CLK3: variants seen among roughly 807,000 people sequenced by gnomAD.
CLK3 encodes the protein CDC like kinase 3.
In CLK3, 24 loss-of-function variants were observed where a neutral mutation model predicts 65.2. That is an observed-to-expected ratio of 0.37 (90% CI 0.27 to 0.52). The LOEUF (loss-of-function observed/expected upper bound fraction) is 0.52, where lower values mean the gene tolerates loss of function less well. CLK3 is among the 20% of genes least tolerant of loss of function. The pLI is 0.92. For missense variants in CLK3, 506 were observed against 660.0 expected (o/e 0.77, Z 2.56); for synonymous variants, 252 against 240.8 (o/e 1.05, Z -0.43).
At chr15:74,616,062 G>T (rs1006547751) in intron 1 of CLK3, 164 bp downstream of exon 1, 4 of 518,490 alleles carry the variant, frequency 7.7e-6, no homozygotes, top group Non-Finnish European at 3.0e-6. Context: ...CGCTGCTTCT[G>T]CCCCGGAGGG....
upstream of CLK3, among the ~76,000 whole-genome samples, chr15:74,611,010 G>A (rs2061982911): frequency 6.6e-6 from 1 of 152,184 alleles, no homozygotes; most frequent in Non-Finnish European, 1.5e-5. Flanking sequence ...GGGAGATTGG[G>A]CTTCTAAGGA....
rs542735246 is a variant in CLK3, at chr15:74,609,104, C to G, written c.-1+678C>G. Among the ~76,000 whole-genome samples, 322 of 152,322 alleles carry G rather than the reference C, an allele frequency of 2.1e-3. 1 individual carries two copies. The highest frequency in any genetic ancestry group is 7.4e-3 in the African/African-American group (309 of 41,564). On this transcript the variant is annotated intron_variant, in intron 1 of 12. Transcript: ENST00000345005. The stretch of plus-strand genomic sequence containing the variant: ...GCCCCTAGTTGCTGGTGGCTCTGGC[C>G]CAGCTCTTCTGAGTCTCTTGTTCAC...
intron 11 of CLK3, 108 bp from the exon 12 acceptor site, chr15:74,628,834 C>T: frequency 9.9e-7 from 1 of 1,012,282 alleles, no homozygotes; most frequent in Non-Finnish European, 1.5e-6. Flanking sequence ...CCCTGCAGAC[C>T]TGTTGCCCTG....
Position 74,628,635 on chromosome 15 carries a change from TG to T in CLK3, c.1159del (p.Glu387ArgfsTer4). On this transcript the variant is annotated frameshift_variant, in exon 11 of 13. Transcript: ENST00000395066. LOFTEE classifies it high-confidence loss of function. ...THENREHLVM[M>X]EKILGPIPSH... ...GAAAACCGAGAGCACCTGGTGATGA[TG>T]GAGAAGATCCTAGGGCCCATCCCAT... 6.2e-7 allele frequency: 1 copy of T among 1,613,750 alleles called. No homozygotes were observed. Among genetic ancestry groups the T allele is most frequent in the Non-Finnish European group, 8.5e-7 (1 of 1,179,788 alleles).
At chr15:74,628,544 T>A (rs565710435) in intron 10 of CLK3, 60 bp from the exon 11 acceptor site, 3 of 1,270,656 alleles carry the variant, frequency 2.4e-6, no homozygotes, top group Admixed American at 4.3e-5. Context: ...TGTTCCTTTT[T>A]CTCCTTGAAG....
chr15:74,615,800 G>T (rs1411626499), upstream of CLK3: 20 of 1,243,264 alleles, frequency 1.6e-5, no homozygotes, highest in Non-Finnish European at 2.0e-5. Context: ...TGCGTCACGC[G>T]AGGGGGCGGG....
At chr15:74,615,504 C>T (rs923835570), upstream of CLK3, 7 of 1,307,974 alleles carry the variant, frequency 5.4e-6, no homozygotes, top group Non-Finnish European at 6.8e-6. Context: ...CACGCGGGGT[C>T]GGGGCGACGG....
intron 1 of CLK3, among the ~76,000 whole-genome samples, chr15:74,616,539 C>G (rs2062061549): frequency 6.6e-6 from 1 of 152,238 alleles, no homozygotes; most frequent in Non-Finnish European, 1.5e-5. Context: ...GAGTCTCTAG[C>G]TTTAGTTCCG....
chr15:74,629,161 C>T (rs762786882), intron 12 of CLK3, 129 bp downstream of exon 12: 27 of 769,044 alleles, frequency 3.5e-5, no homozygotes, highest in African/African-American at 2.0e-4. Flanking sequence ...GGAGGCGGCA[C>T]CCAAGACTGC....
chr15:74,622,107 G>A lies in CLK3; in HGVS notation c.370-13G>A. 1 of 1,613,640 alleles carries A rather than the reference G, an allele frequency of 6.2e-7. No individual in the cohort carries two copies. The highest frequency in any genetic ancestry group is 8.5e-7 in the Non-Finnish European group (1 of 1,179,562). ...GATTGGTCGGATGGCGTTTCGGGGGGCGGTGCATGCAGAGAAGCCAACAGA... is the reference window on the plus strand; with the variant it reads ...GATTGGTCGGATGGCGTTTCGGGGGACGGTGCATGCAGAGAAGCCAACAGA... On this transcript the variant is annotated splice_polypyrimidine_tract_variant and intron_variant, in intron 3 of 12. Transcript: ENST00000395066. The surrounding 1 kb of genome is among the most constrained non-coding windows in gnomAD (Gnocchi z 4.6).
upstream of CLK3, among the ~76,000 whole-genome samples, chr15:74,613,664 T>C (rs1328154984): frequency 1.3e-5 from 2 of 152,104 alleles, no homozygotes; most frequent in Non-Finnish European, 2.9e-5. Context: ...TCAGAGCCTA[T>C]AGCTCAGGGC....
chr15:74,613,397 A>G (rs1441281106), upstream of CLK3: 1 of 152,312 alleles, frequency 6.6e-6, no homozygotes, highest in East Asian at 1.9e-4. Context: ...ATGGGAGTGG[A>G]GGAGTTACCC....
intron 7 of CLK3, 106 bp downstream of exon 7, chr15:74,626,074 C>T (rs949011164): frequency 8.5e-6 from 11 of 1,301,380 alleles, no homozygotes; most frequent in African/African-American, 1.5e-5. Context: ...AACCATTCTC[C>T]TGGGCCTGAG....
Position 74,627,845 on chromosome 15 carries a change from T to C in CLK3, c.1043-125T>C. 8.4e-7 allele frequency: 1 copy of C among 1,184,978 alleles called. No individual in the cohort carries two copies. The highest frequency in any genetic ancestry group is 1.2e-6 in the Non-Finnish European group (1 of 806,392). The allele number at this position is 1,184,978 out of a possible 1,614,324, so 73.4% of individuals were successfully genotyped here. On this transcript the variant is annotated intron_variant, in intron 9 of 12. Coordinates refer to ENST00000395066, the MANE Select transcript of CLK3 (RefSeq NM_001130028.2). The surrounding 1 kb of genome is among the most constrained non-coding windows in gnomAD (Gnocchi z 4.3). ...ACCTGGCTTTATCTGTCAGCCTTAC[T>C]GAGAGAGGGCCTCGTACTGGGATTT...
rs367619618 is a variant in CLK3, at chr15:74,628,088, A to G, written c.1125+36A>G. 76 of 1,428,486 alleles carry G rather than the reference A, an allele frequency of 5.3e-5. No individual in the cohort carries two copies. The South Asian group carries it at 8.7e-4, about 16-fold the overall frequency. 88.5% of individuals were successfully genotyped at this position (1,428,486 alleles called of 1,614,324 possible). A position where few individuals can be genotyped will look rare whatever the true frequency, so the allele number is the denominator to read the frequency against. ...CCTGCATTGGTCCCCTACCCTGAGT[A>G]CTGCTACTGTGATAGGCTGCAGGCC... On this transcript the variant is annotated intron_variant, in intron 10 of 12. Transcript: ENST00000395066.
chr15:74,628,637 G>A lies in CLK3; in HGVS notation c.1159G>A (p.Glu387Lys). The A allele has an allele frequency of 6.2e-7, 1 of 1,613,764 alleles. No individual in the cohort carries two copies. Among genetic ancestry groups the A allele is most frequent in the Non-Finnish European group, 8.5e-7 (1 of 1,179,812 alleles). Residue 387 changes from glutamate (E) to lysine (K), a missense_variant, in exon 11 of 13, where the codon GAG becomes AAG. Coordinates refer to ENST00000395066, the MANE Select transcript of CLK3 (RefSeq NM_001130028.2). ...HENREHLVMM[E>K]KILGPIPSHM... The stretch of plus-strand genomic sequence containing the variant: ...AAACCGAGAGCACCTGGTGATGATG[G>A]AGAAGATCCTAGGGCCCATCCCATC...
At position 74,624,613 on chromosome 15, in the gene CLK3, TG is replaced by T. The variant is rs1813178100; in HGVS notation, c.534-287del. On this transcript the variant is annotated intron_variant, in intron 5 of 12. Coordinates refer to ENST00000395066, the MANE Select transcript of CLK3 (RefSeq NM_001130028.2). This position sits in a 1 kb window ranked among gnomAD's most constrained non-coding sequence, Gnocchi z 4.2. ...TGGACTGGCACTGGTTAAGCAGGAT[TG>T]GCCTCTACTCTCCCACACTCCTTTG... 1 of 469,506 alleles carries T rather than the reference TG, an allele frequency of 2.1e-6. No individual in the cohort carries two copies. Among genetic ancestry groups the T allele is most frequent in the Admixed American group, 3.3e-5 (1 of 29,988 alleles). 29.1% of individuals were successfully genotyped at this position (469,506 alleles called of 1,614,324 possible). A position where few individuals can be genotyped will look rare whatever the true frequency, so the allele number is the denominator to read the frequency against.
chr15:74,627,154 G>C lies in CLK3; in HGVS notation c.818-198G>C, dbSNP rs1405048988. On this transcript the variant is annotated intron_variant, in intron 7 of 12. Transcript: ENST00000395066. This position sits in a 1 kb window ranked among gnomAD's most constrained non-coding sequence, Gnocchi z 4.3. The stretch of plus-strand genomic sequence containing the variant: ...TTCCTACCCCCCTGCTAAAGTATCA[G>C]AACCCTCCAAGGCCTCAAGTACAGA... 5 of 705,546 alleles carry C rather than the reference G, an allele frequency of 7.1e-6. No individual in the cohort carries two copies. Among genetic ancestry groups the C allele is most frequent in the Non-Finnish European group, 1.3e-5 (5 of 384,256 alleles). The allele number at this position is 705,546 out of a possible 1,614,324, so 43.7% of individuals were successfully genotyped here. A position where few individuals can be genotyped will look rare whatever the true frequency, so the allele number is the denominator to read the frequency against.
chr15:74,629,671 T>G, intron 12 of CLK3, 36 bp from the exon 13 acceptor site: 3 of 1,565,956 alleles, frequency 1.9e-6, no homozygotes, highest in Non-Finnish European at 2.6e-6. Context: ...CCCACGACCC[T>G]GCCGTCACAC....
Sources: allele counts gnomAD v4.1 joint callset (sites outside exome capture counted in the v4.1 genomes callset), GRCh38; gene constraint gnomAD v4.1.1; non-coding constraint Gnocchi (gnomAD v3.1); transcripts MANE v1.5; gene names NCBI Gene and HGNC (gene_info 2026-07-23, HGNC 2026-07-21).